SLIT3: variants seen among roughly 807,000 people sequenced by gnomAD.
The protein encoded by SLIT3 is slit homolog 3 protein.
SLIT3 carries 68 observed loss-of-function variants against 184.0 expected under a neutral mutation model. The observed-to-expected ratio is 0.37, with a 90% CI of 0.30 to 0.45. The LOEUF is 0.45. Among genes scored for constraint, SLIT3 ranks in the 20% least tolerant of loss-of-function variants. The pLI is 1.00. For missense variants in SLIT3, 1,707 were observed against 2,026.0 expected (o/e 0.84, Z 3.02); for synonymous variants, 831 against 828.6 (o/e 1.00, Z -0.05).
At chr5:169,140,157 G>A (rs1243064707) in intron 4 of SLIT3, among the ~76,000 whole-genome samples, 5 of 151,860 alleles carry the variant, frequency 3.3e-5, no homozygotes, top group East Asian at 1.9e-4. Flanking sequence ...GAGATGGGGC[G>A]AAGGTGTGCT....
At chr5:169,004,983 TTTC>T (rs1399617026) in intron 4 of SLIT3, among the ~76,000 whole-genome samples, 1 of 152,196 alleles carries the variant, frequency 6.6e-6, no homozygotes, top group African/African-American at 2.4e-5. Flanking sequence ...TTTATTGAGC[TTTC>T]TTCTTTTTTA....
intron 10 of SLIT3, among the ~76,000 whole-genome samples, chr5:168,795,093 T>A (rs1226611008): frequency 6.6e-6 from 1 of 152,210 alleles, no homozygotes; most frequent in East Asian, 1.9e-4. Context: ...GTTATATGAA[T>A]GTATGCCTGG....
intron 4 of SLIT3, among the ~76,000 whole-genome samples, chr5:169,119,718 C>T (rs186537770): frequency 6.9e-6 from 1 of 145,630 alleles, no homozygotes; most frequent in African/African-American, 2.4e-5. Flanking sequence ...GGCACGCTGC[C>T]TCTGTGGGTC....
At chr5:168,964,419 C>A (rs1188511547) in intron 4 of SLIT3, among the ~76,000 whole-genome samples, 1 of 152,146 alleles carries the variant, frequency 6.6e-6, no homozygotes, top group East Asian at 1.9e-4. Flanking sequence ...ACATGCACTT[C>A]AAGAAAGCCT....
At chr5:168,959,898 C>T (rs1302777309) in intron 4 of SLIT3, among the ~76,000 whole-genome samples, 2 of 152,194 alleles carry the variant, frequency 1.3e-5, no homozygotes, top group Non-Finnish European at 2.9e-5. Context: ...ACACTTCTAA[C>T]AGTCCTGTGA....
chr5:168,971,556 C>A (rs746628962), intron 4 of SLIT3, among the ~76,000 whole-genome samples: 2 of 152,230 alleles, frequency 1.3e-5, no homozygotes, highest in Non-Finnish European at 2.9e-5. Flanking sequence ...AACTGCACCT[C>A]ATGGTCAAAT....
At chr5:169,167,477 C>T (rs1041190608) in intron 4 of SLIT3, among the ~76,000 whole-genome samples, 11 of 151,790 alleles carry the variant, frequency 7.2e-5, no homozygotes, top group East Asian at 5.9e-4. Context: ...GGGGTTTCAC[C>T]GTGTTAGCCA....
chr5:169,105,761 C>A (rs1561668247), intron 4 of SLIT3, among the ~76,000 whole-genome samples: 1 of 152,320 alleles, frequency 6.6e-6, no homozygotes, highest in East Asian at 1.9e-4. Flanking sequence ...CCTGTTCCAT[C>A]CATGTTCCTG....
chr5:169,115,442 T>C (rs1340228170), intron 4 of SLIT3, among the ~76,000 whole-genome samples: 2 of 152,194 alleles, frequency 1.3e-5, no homozygotes, highest in Admixed American at 6.5e-5. Context: ...TTTCCAGCCA[T>C]TGTCATATTT....
intron 3 of SLIT3, among the ~76,000 whole-genome samples, chr5:169,217,292 A>G (rs1422744780): frequency 1.3e-5 from 2 of 152,106 alleles, no homozygotes; most frequent in African/African-American, 4.8e-5. Flanking sequence ...ATTAAAAGAC[A>G]ATGACTCTCT....
chr5:169,099,401 C>T (rs1378625478), intron 4 of SLIT3, among the ~76,000 whole-genome samples: 1 of 152,150 alleles, frequency 6.6e-6, no homozygotes, highest in East Asian at 1.9e-4. Flanking sequence ...ATTCAATGAA[C>T]ACTTCCTTCC....
At chr5:168,978,409 C>T (rs1423998748) in intron 4 of SLIT3, among the ~76,000 whole-genome samples, 1 of 152,190 alleles carries the variant, frequency 6.6e-6, no homozygotes, top group South Asian at 2.1e-4. Flanking sequence ...CTTCATTCAT[C>T]TGATTCAGAC....
chr5:168,874,089 T>A (rs1759640460), intron 5 of SLIT3, among the ~76,000 whole-genome samples: 1 of 152,186 alleles, frequency 6.6e-6, no homozygotes, highest in Non-Finnish European at 1.5e-5. Context: ...AAAGACAGGA[T>A]TATATTTTAT....
At chr5:168,747,861 T>C (rs1026087735) in intron 20 of SLIT3, among the ~76,000 whole-genome samples, 6 of 152,016 alleles carry the variant, frequency 3.9e-5, no homozygotes, top group African/African-American at 1.5e-4. Flanking sequence ...TAGGATCCTA[T>C]TCAGAAAAGT....
intron 6 of SLIT3, among the ~76,000 whole-genome samples, chr5:168,825,349 G>A (rs1240346261): frequency 6.6e-6 from 1 of 152,110 alleles, no homozygotes; most frequent in African/African-American, 2.4e-5. Context: ...GTCCAAAGCA[G>A]GATTCCAGTG....
chr5:168,975,468 C>T (rs1754720313), intron 4 of SLIT3, among the ~76,000 whole-genome samples: 2 of 151,836 alleles, frequency 1.3e-5, no homozygotes, highest in Non-Finnish European at 1.5e-5. Flanking sequence ...CCCCCACACA[C>T]ACAGACATCC....
chr5:168,986,435 T>A (rs1755134420), intron 4 of SLIT3, among the ~76,000 whole-genome samples: 1 of 152,026 alleles, frequency 6.6e-6, no homozygotes, highest in South Asian at 2.1e-4. Flanking sequence ...GGTACCATGA[T>A]GCTTTTCAGC....
chr5:168,836,379 G>T (rs1758054571), intron 6 of SLIT3, among the ~76,000 whole-genome samples: 1 of 152,198 alleles, frequency 6.6e-6, no homozygotes, highest in Middle Eastern at 3.2e-3. Flanking sequence ...GAGCTGAGGG[G>T]ATGGTGAAAG....
chr5:168,673,285 T>A lies in SLIT3; in HGVS notation c.3733A>T (p.Thr1245Ser). 2 of 1,614,062 alleles carry A rather than the reference T, an allele frequency of 1.2e-6. No individual in the cohort carries two copies. Among genetic ancestry groups the A allele is most frequent in the Non-Finnish European group, 1.7e-6 (2 of 1,179,996 alleles). Residue 1245 changes from threonine to serine, a missense_variant, in exon 33 of 36, where the codon ACG becomes TCG. By Grantham distance (58) the Thr-to-Ser change is moderately conservative. Around this residue, in one of 3 missense-constraint regions of SLIT3, gnomAD observed 387 missense variants for 477.9 expected, o/e 0.81. Transcript: ENST00000519560. ...ACTAGGTTCAGGGTCTGGTTTAGCG[T>A]CACCAGCTCCACACTGTGAAACTGC... ...DGQFHSVELV[T>S]LNQTLNLVVD...
Sources: gnomAD v4.1 joint callset for allele counts (sites outside exome capture counted in the v4.1 genomes callset) on GRCh38, gnomAD v4.1.1 for gene constraint, gnomAD v4.1.1 regional missense constraint, MANE v1.5 for transcripts, NCBI Gene and HGNC (gene_info 2026-07-23, HGNC 2026-07-21) for gene names.